NCMAP: variants seen among roughly 807,000 people sequenced by gnomAD.
The protein encoded by NCMAP is noncompact myelin-associated protein.
Under a neutral mutation model 7.8 loss-of-function variants are expected in NCMAP, and 8 were observed. The ratio of observed to expected loss-of-function variants is 1.02; its 90% CI spans 0.60 to 1.84. The LOEUF (loss-of-function observed/expected upper bound fraction) is 1.84, where lower values mean the gene tolerates loss of function less well. NCMAP is among the 40% of genes most tolerant of loss of function. The pLI is 0.00. For synonymous variants in NCMAP, 41 were observed against 52.9 expected (o/e 0.78, Z 0.98); for missense variants, 112 against 131.4 (o/e 0.85, Z 0.72).
intron 1 of NCMAP, among the ~76,000 whole-genome samples, chr1:24,560,836 G>A (rs1262925897): frequency 6.6e-6 from 1 of 151,982 alleles, no homozygotes; most frequent in Non-Finnish European, 1.5e-5. Flanking sequence ...GTTTCAACTT[G>A]CAGTTCATTG....
intron 3 of NCMAP, among the ~76,000 whole-genome samples, chr1:24,602,140 A>G (rs564809767): frequency 5.9e-5 from 9 of 152,266 alleles, no homozygotes; most frequent in Non-Finnish European, 1.2e-4. Context: ...CTATATATAC[A>G]TGGTAATCTC....
chr1:24,597,615 A>AAGAGAGAG (rs60751058), intron 2 of NCMAP, among the ~76,000 whole-genome samples: 3 of 69,050 alleles, frequency 4.3e-5, no homozygotes, highest in South Asian at 5.3e-4. Context: ...GAAAGAAAGA[A>AAGAGAGAG]AGAGAAAGAA....
At chr1:24,556,793 G>A (rs1282663260) in intron 1 of NCMAP, among the ~76,000 whole-genome samples, 3 of 152,232 alleles carry the variant, frequency 2.0e-5, no homozygotes. Context: ...ATGAAGGCTG[G>A]ATTAGAGAGA....
At chr1:24,559,495 G>C (rs1449955259) in intron 1 of NCMAP, among the ~76,000 whole-genome samples, 2 of 152,216 alleles carry the variant, frequency 1.3e-5, no homozygotes, top group South Asian at 2.1e-4. Context: ...GAGCCAGAGG[G>C]GGAGCTGGCT....
At chr1:24,602,398 G>A (rs1224123385) in intron 3 of NCMAP, among the ~76,000 whole-genome samples, 2 of 136,878 alleles carry the variant, frequency 1.5e-5, no homozygotes, top group African/African-American at 7.1e-5. Flanking sequence ...GTGAAACCCC[G>A]TCTCTACTAA....
chr1:24,565,682 T>C (rs1051497199), intron 1 of NCMAP, among the ~76,000 whole-genome samples: 7 of 151,032 alleles, frequency 4.6e-5, no homozygotes, highest in Admixed American at 1.3e-4. Flanking sequence ...CACTGCAGCC[T>C]CCACCTCCTG....
chr1:24,600,395 C>T (rs180969634), intron 2 of NCMAP, among the ~76,000 whole-genome samples: 2 of 152,234 alleles, frequency 1.3e-5, no homozygotes, highest in Non-Finnish European at 2.9e-5. Context: ...CTCAAGTGAT[C>T]CTCCCACCCC....
intron 1 of NCMAP, among the ~76,000 whole-genome samples, chr1:24,587,015 CTT>C (rs1651901570): frequency 6.6e-6 from 1 of 152,132 alleles, no homozygotes; most frequent in African/African-American, 2.4e-5. Context: ...GGAGTTGTGA[CTT>C]TTATAATTCC....
intron 1 of NCMAP, among the ~76,000 whole-genome samples, chr1:24,568,054 G>A (rs146135468): frequency 8.5e-5 from 13 of 152,196 alleles, no homozygotes; most frequent in South Asian, 2.1e-4. Context: ...TTAGGCACCC[G>A]CCTGTGACCC....
Position 24,564,471 on chromosome 1 carries a change from G to A in NCMAP, c.-8+8302G>A, listed in dbSNP as rs1026070347. On this transcript the variant is annotated intron_variant, in intron 1 of 3. Coordinates refer to ENST00000374392, the MANE Select transcript of NCMAP (RefSeq NM_001010980.5). ...GGAGGTTGCAGTGACCTGAAATCACGCCACTGCACTCCAGCCTGGGCAACA... is the reference window on the plus strand; with the variant it reads ...GGAGGTTGCAGTGACCTGAAATCACACCACTGCACTCCAGCCTGGGCAACA... Among the ~76,000 whole-genome samples, 28 of 119,520 alleles carry A rather than the reference G, an allele frequency of 2.3e-4. No homozygotes were observed. The Admixed American group carries it at 2.6e-3, about 11-fold the overall frequency. 78.4% of individuals were successfully genotyped at this position (119,520 alleles called of 152,430 possible).
intron 1 of NCMAP, among the ~76,000 whole-genome samples, chr1:24,562,212 C>A (rs1197127124): frequency 6.6e-6 from 1 of 152,230 alleles, no homozygotes; most frequent in East Asian, 1.9e-4. Flanking sequence ...TTCCCAGTAA[C>A]AGCGTCATTC....
intron 1 of NCMAP, among the ~76,000 whole-genome samples, chr1:24,574,275 T>A (rs367766606): frequency 1.3e-5 from 2 of 150,716 alleles, no homozygotes; most frequent in Admixed American, 6.6e-5. Context: ...CGTGCCACCA[T>A]GCCCAGCTAA....
intron 1 of NCMAP, among the ~76,000 whole-genome samples, chr1:24,577,420 T>TTTTTTTTTTTTTTTTG (rs1557596597): frequency 1.4e-5 from 2 of 143,750 alleles, no homozygotes; most frequent in Non-Finnish European, 1.5e-5. Flanking sequence ...TTTTTTTTTT[T>TTTTTTTTTTTTTTTTG]TTTTTTTTTT....
Position 24,605,624 on chromosome 1 carries a change from G to A in NCMAP, c.186G>A (p.Arg62=). Residue 62 remains arginine (R), a synonymous_variant, in exon 4 of 4, where the codon CGG becomes CGA. Transcript: ENST00000374392. Reference sequence around the variant, plus strand: ...CCTACAGGAAAATGAGGACGAGGCGGGAACTAGAGCCCAAGGGCCCCAAGC... The same window carrying A: ...CCTACAGGAAAATGAGGACGAGGCGAGAACTAGAGCCCAAGGGCCCCAAGC... The part of the protein sequence containing the change: ...KMYNRKMRTR[R]ELEPKGPKPT... The A allele has an allele frequency of 6.2e-7, 1 of 1,614,234 alleles. No individual in the cohort carries two copies. The highest frequency in any genetic ancestry group is 8.5e-7 in the Non-Finnish European group (1 of 1,180,048).
chr1:24,573,656 G>A lies in NCMAP; in HGVS notation c.-8+17487G>A, dbSNP rs1469271281. 4.7e-5 allele frequency among the ~76,000 whole-genome samples: 7 copies of A among 150,422 alleles called. 1 individual carries two copies. Among genetic ancestry groups the A allele is most frequent in the African/African-American group, 1.5e-4 (6 of 39,876 alleles). On this transcript the variant is annotated intron_variant, in intron 1 of 3. Coordinates refer to ENST00000374392, the MANE Select transcript of NCMAP (RefSeq NM_001010980.5). ...GACTGGACTGAGAAACCTAGAAACC[G>A]GCCAGGTGCAGCGGCTCACACCTAT... is the stretch of plus-strand genomic sequence containing the variant.
At chr1:24,596,495 C>T (rs759390767) in intron 2 of NCMAP, among the ~76,000 whole-genome samples, 9 of 152,158 alleles carry the variant, frequency 5.9e-5, no homozygotes, top group East Asian at 5.8e-4. Flanking sequence ...CCAGCCTGGG[C>T]AATATGGGGA....
At chr1:24,577,401 G>GTTTTTTTTTTTT (rs71577720) in intron 1 of NCMAP, among the ~76,000 whole-genome samples, 25 of 39,956 alleles carry the variant, frequency 6.3e-4, no homozygotes, top group African/African-American at 7.4e-4. Flanking sequence ...CACTGGCCTT[G>GTTTTTTTTTTTT]TTTTTTTTTT....
intron 1 of NCMAP, among the ~76,000 whole-genome samples, chr1:24,580,223 G>A (rs554991107): frequency 1.3e-5 from 2 of 152,300 alleles, no homozygotes; most frequent in Admixed American, 6.5e-5. Flanking sequence ...CTAATGCAAC[G>A]GAGACACTAC....
intron 1 of NCMAP, among the ~76,000 whole-genome samples, chr1:24,565,572 T>TTGTGTGTGTGTGTGTGTGTG (rs58714256): frequency 4.4e-4 from 63 of 143,764 alleles, no homozygotes; most frequent in African/African-American, 1.5e-3. Context: ...TGATAGAAGA[T>TTGTGTGTGTGTGTGTGTGTG]TGTGTGTGTG....
Sources: allele counts gnomAD v4.1 joint callset (sites outside exome capture counted in the v4.1 genomes callset), GRCh38; gene constraint gnomAD v4.1.1; transcripts MANE v1.5; gene names NCBI Gene and HGNC (gene_info 2026-07-23, HGNC 2026-07-21).